The following PDE11A variants were observed in gnomAD, a reference collection of about 807,000 sequenced individuals.
PDE11A encodes dual 3',5'-cyclic-AMP and -GMP phosphodiesterase 11A.
In PDE11A, 100 loss-of-function variants were observed where a neutral mutation model predicts 100.5. The observed-to-expected ratio is 1.00, with a 90% CI of 0.85 to 1.18. PDE11A has a LOEUF of 1.18. Among genes scored for constraint, PDE11A ranks in the 50% most tolerant of loss-of-function variants. PDE11A has a pLI of 0.00. For missense variants in PDE11A, 1,141 were observed against 1,152.6 expected (o/e 0.99, Z 0.15); for synonymous variants, 381 against 420.8 (o/e 0.91, Z 1.16).
chr2:177,634,227 G>C (rs1263509780), intron 19 of PDE11A, among the ~76,000 whole-genome samples: 1 of 152,128 alleles, frequency 6.6e-6, no homozygotes, highest in African/African-American at 2.4e-5. Context: ...AGAAATTGGG[G>C]AGGGAGGAGG....
chr2:177,765,228 A>T (rs1410260787), intron 10 of PDE11A, among the ~76,000 whole-genome samples: 1 of 152,210 alleles, frequency 6.6e-6, no homozygotes, highest in Non-Finnish European at 1.5e-5. Context: ...ATCCCAAAAC[A>T]TAAAGGAGTA....
chr2:177,739,250 C>T (rs2081837924), intron 10 of PDE11A, among the ~76,000 whole-genome samples: 1 of 152,162 alleles, frequency 6.6e-6, no homozygotes, highest in Non-Finnish European at 1.5e-5. Context: ...CCTGTTACAA[C>T]GTGCTGCACT....
intron 2 of PDE11A, chr2:177,921,725 ACTGACCTTGTATAT>A (rs929114465): frequency 1.3e-5 from 2 of 152,222 alleles, no homozygotes; most frequent in Non-Finnish European, 2.9e-5. Context: ...AAATGCAACC[ACTGACCTTGTATAT>A]CTGCATCAAG....
rs546333237 is a variant in PDE11A at position 177,829,197 on chromosome 2, G to C, written c.1501-8902C>G. ...GGAAACAGAGAGAGGAGCAGGCTTG[G>C]GGGGCAGGAGACTGTGGCCTGTGCT... On this transcript the variant is annotated intron_variant, in intron 6 of 19. Transcript: ENST00000286063. Among the ~76,000 whole-genome samples the C allele has an allele frequency of 5.3e-5, 8 of 152,094 alleles. No homozygotes were observed. The South Asian group carries it at 8.3e-4, about 16-fold the overall frequency.
chr2:177,824,607 A>T (rs2083199015), intron 6 of PDE11A, among the ~76,000 whole-genome samples: 1 of 152,214 alleles, frequency 6.6e-6, no homozygotes, highest in Admixed American at 6.5e-5. Context: ...TTTCATATCT[A>T]GGAATTTATC....
chr2:178,021,447 G>A (rs1483341306), intron 1 of PDE11A, among the ~76,000 whole-genome samples: 1 of 152,102 alleles, frequency 6.6e-6, no homozygotes, highest in Admixed American at 6.5e-5. Context: ...ACATAAATCT[G>A]TAGATTAATC....
chr2:177,897,358 G>A (rs545032987), intron 4 of PDE11A, among the ~76,000 whole-genome samples: 25 of 152,290 alleles, frequency 1.6e-4, no homozygotes, highest in Admixed American at 9.8e-4. Context: ...AAATTGCCAC[G>A]GTGAGGCAGC....
rs2082601774 is a variant in PDE11A, at chr2:177,789,863, C to T, written c.1738-20490G>A. Among the ~76,000 whole-genome samples, 3 of 152,232 alleles carry T rather than the reference C, an allele frequency of 2.0e-5. No individual in the cohort carries two copies. In the South Asian group the frequency reaches 6.2e-4, roughly 32 times the overall value. On this transcript the variant is annotated intron_variant, in intron 9 of 19. Coordinates refer to ENST00000286063, the MANE Select transcript of PDE11A (RefSeq NM_016953.4). ...TGAAAGACCTCTTCAAGGAGAACTA[C>T]AAACCACTGCTCAATGAAATAAAAG... is the stretch of plus-strand genomic sequence containing the variant.
intron 2 of PDE11A, among the ~76,000 whole-genome samples, chr2:177,982,094 A>G (rs1182180077): frequency 6.6e-6 from 1 of 151,138 alleles, no homozygotes; most frequent in Non-Finnish European, 1.5e-5. Flanking sequence ...CTTCAATTGT[A>G]CTAATCACGA....
chr2:177,971,383 T>C (rs1446315396), intron 2 of PDE11A, among the ~76,000 whole-genome samples: 2 of 152,138 alleles, frequency 1.3e-5, no homozygotes, highest in East Asian at 3.9e-4. Context: ...GAGGGCTAAG[T>C]GACTTGCCCA....
chr2:177,838,779 T>C (rs922864878), intron 6 of PDE11A, among the ~76,000 whole-genome samples: 2 of 152,240 alleles, frequency 1.3e-5, no homozygotes, highest in Admixed American at 1.3e-4. Flanking sequence ...TAAATCATTT[T>C]CAGTGCTCCA....
At chr2:177,753,274 T>C (rs748973722) in intron 10 of PDE11A, among the ~76,000 whole-genome samples, 9 of 152,228 alleles carry the variant, frequency 5.9e-5, no homozygotes, top group Non-Finnish European at 1.2e-4. Flanking sequence ...TATTTTTTCT[T>C]GTCTGTTTTA....
chr2:177,818,029 C>G, intron 7 of PDE11A, 104 bp from the exon 8 acceptor site: 1 of 711,238 alleles, frequency 1.4e-6, no homozygotes, highest in Non-Finnish European at 2.6e-6. Context: ...AGGAACTGCA[C>G]TCAGTTTAAA....
At chr2:177,738,965 A>G (rs1442310685) in intron 10 of PDE11A, among the ~76,000 whole-genome samples, 1 of 152,230 alleles carries the variant, frequency 6.6e-6, no homozygotes, top group Non-Finnish European at 1.5e-5. Context: ...AGCCTAATGA[A>G]CATCATATTC....
At chr2:178,031,182 A>T (rs2086542893) in intron 1 of PDE11A, among the ~76,000 whole-genome samples, 1 of 152,168 alleles carries the variant, frequency 6.6e-6, no homozygotes, top group African/African-American at 2.4e-5. Flanking sequence ...ATAGAAGGGA[A>T]CTTTCTTAAC....
chr2:177,988,671 G>T (rs1001328786), intron 2 of PDE11A, among the ~76,000 whole-genome samples: 1 of 152,162 alleles, frequency 6.6e-6, no homozygotes, highest in Non-Finnish European at 1.5e-5. Flanking sequence ...CTGCCAGAGT[G>T]TCTGAATTGT....
chr2:177,707,978 GGA>G (rs1382163200), intron 13 of PDE11A, among the ~76,000 whole-genome samples: 2 of 152,138 alleles, frequency 1.3e-5, no homozygotes, highest in Non-Finnish European at 2.9e-5. Flanking sequence ...GTAGGGGGCT[GGA>G]GAGAGCATGC....
At chr2:177,981,832 C>T (rs764237881) in intron 2 of PDE11A, among the ~76,000 whole-genome samples, 1 of 150,840 alleles carries the variant, frequency 6.6e-6, no homozygotes, top group African/African-American at 2.4e-5. Flanking sequence ...TTTTCTGTTT[C>T]TTTTCTTTTT....
intron 1 of PDE11A, among the ~76,000 whole-genome samples, chr2:178,016,694 C>A (rs1054690765): frequency 5.3e-5 from 8 of 152,154 alleles, no homozygotes; most frequent in African/African-American, 1.9e-4. Context: ...AGACTTCAAT[C>A]ATGAGTAAGA....
Sources: allele counts gnomAD v4.1 joint callset (sites outside exome capture counted in the v4.1 genomes callset), GRCh38; gene constraint gnomAD v4.1.1; transcripts MANE v1.5; gene names NCBI Gene and HGNC (gene_info 2026-07-23, HGNC 2026-07-21).